The following DNAI3 variants were observed in gnomAD, a reference collection of about 807,000 sequenced individuals.
DNAI3 encodes dynein axonemal intermediate chain 3.
A neutral mutation model predicts 115.5 loss-of-function variants in DNAI3; 83 were observed. The ratio of observed to expected loss-of-function variants is 0.72; its 90% CI spans 0.60 to 0.86. The LOEUF (loss-of-function observed/expected upper bound fraction) is 0.86, where lower values mean the gene tolerates loss of function less well. Ranked by LOEUF, DNAI3 falls within the 40% of genes least tolerant of loss-of-function variation. The pLI is 0.00. For missense variants in DNAI3, 1,004 were observed against 1,075.8 expected, an observed-to-expected ratio of 0.93 and a Z score of 0.93; for synonymous variants, 320 against 347.0, an observed-to-expected ratio of 0.92 and a Z score of 0.86.
At chr1:85,083,518 A>C (rs936798284) in intron 5 of DNAI3, among the ~76,000 whole-genome samples, 3 of 151,942 alleles carry the variant, frequency 2.0e-5, no homozygotes, top group African/African-American at 7.3e-5. Context: ...AAAAGCTAAC[A>C]GTTTATAATT....
chr1:85,097,439 G>A, intron 11 of DNAI3, 130 bp from the exon 12 acceptor site: 1 of 622,492 alleles, frequency 1.6e-6, no homozygotes, highest in Non-Finnish European at 2.4e-6. Flanking sequence ...ACTTACTTAA[G>A]ATATAAGCTA....
chr1:85,120,609 A>T (rs709777), intron 17 of DNAI3, among the ~76,000 whole-genome samples: 30,487 of 152,058 alleles, frequency 0.2, 3,366 homozygotes, highest in African/African-American at 0.3. Context: ...CTCTTACAGG[A>T]CTTTGGTGAG....
chr1:85,122,365 C>A (rs1226264334), intron 18 of DNAI3, among the ~76,000 whole-genome samples: 1 of 152,136 alleles, frequency 6.6e-6, no homozygotes, highest in African/African-American at 2.4e-5. Flanking sequence ...GAAAGCTGAG[C>A]AGAAGCATGT....
chr1:85,107,231 G>A (rs1438886237), intron 14 of DNAI3, among the ~76,000 whole-genome samples: 1 of 152,092 alleles, frequency 6.6e-6, no homozygotes, highest in East Asian at 1.9e-4. Flanking sequence ...AGCAATTCCA[G>A]TCCTAGATAC....
At position 85,107,663 on chromosome 1, in the gene DNAI3, T is replaced by C. The variant is rs186753381; in HGVS notation, c.1554-370T>C. 1.4e-3 allele frequency among the ~76,000 whole-genome samples: 210 copies of C among 152,316 alleles called. 5 individuals carry two copies. The highest frequency in any genetic ancestry group is 0.014 in the Admixed American group (208 of 15,300). The stretch of plus-strand genomic sequence containing the variant: ...GTGGGAGAGTGTGATGAAAATCTTC[T>C]AAAATTGATTGTGGTGATGGCTTCC... On this transcript the variant is annotated intron_variant, in intron 14 of 22. Transcript: ENST00000294664.
chr1:85,089,464 C>T (rs1044591846), intron 7 of DNAI3, among the ~76,000 whole-genome samples: 1 of 144,248 alleles, frequency 6.9e-6, no homozygotes, highest in South Asian at 2.4e-4. Context: ...ACAGAGGCCA[C>T]TAAGAGCATA....
chr1:85,094,443 T>C lies in DNAI3; in HGVS notation c.1061T>C (p.Val354Ala), dbSNP rs767294989. 1 of 1,614,186 alleles carries C rather than the reference T, an allele frequency of 6.2e-7. No homozygotes were observed. Among genetic ancestry groups the C allele is most frequent in the Admixed American group, 1.7e-5 (1 of 60,022 alleles). Residue 354 changes from valine (V) to alanine (A), a missense_variant, in exon 10 of 23, where the codon GTG becomes GCG. Coordinates refer to ENST00000294664, the MANE Select transcript of DNAI3 (RefSeq NM_145172.5). ...WHPTIYGLIA[V>A]SVAVRLSFED... ...GTGTTTCCATCAGGGCTAATAGCTGTGTCGGTAGCCGTGCGACTTTCTTTT... is the reference window on the plus strand; with the variant it reads ...GTGTTTCCATCAGGGCTAATAGCTGCGTCGGTAGCCGTGCGACTTTCTTTT...
intron 22 of DNAI3, among the ~76,000 whole-genome samples, chr1:85,130,809 T>C (rs935056492): frequency 6.6e-6 from 1 of 152,140 alleles, no homozygotes; most frequent in African/African-American, 2.4e-5. Flanking sequence ...GAGAATTTGG[T>C]ACAGGGCACA....
intron 3 of DNAI3, among the ~76,000 whole-genome samples, chr1:85,077,768 G>C (rs932798652): frequency 7.9e-5 from 12 of 151,846 alleles, no homozygotes; most frequent in African/African-American, 2.9e-4. Flanking sequence ...GGCTTCATGG[G>C]GTATGTGCAT....
chr1:85,085,655 G>C (rs539246452), intron 6 of DNAI3, among the ~76,000 whole-genome samples, 176 bp from the exon 7 acceptor site: 1 of 152,194 alleles, frequency 6.6e-6, no homozygotes, highest in Non-Finnish European at 1.5e-5. Context: ...AATAGCCCTA[G>C]AGCAGCCCTC....
intron 15 of DNAI3, 146 bp downstream of exon 15, chr1:85,108,323 T>TC: frequency 3.5e-6 from 3 of 867,568 alleles, no homozygotes; most frequent in Non-Finnish European, 4.9e-6. Context: ...ATTCAACCAA[T>TC]AAATTCCTTG....
chr1:85,084,802 T>C, intron 6 of DNAI3, 107 bp downstream of exon 6: 2 of 1,155,986 alleles, frequency 1.7e-6, no homozygotes, highest in Non-Finnish European at 2.2e-6. Flanking sequence ...AGGCATAGTT[T>C]TTGGTGTGTT....
At chr1:85,078,631 T>G (rs1654535767) in intron 3 of DNAI3, among the ~76,000 whole-genome samples, 1 of 152,214 alleles carries the variant, frequency 6.6e-6, no homozygotes, top group South Asian at 2.1e-4. Context: ...GCCTACCCAA[T>G]AGCAGTTGTT....
chr1:85,090,697 C>A (rs1475593504), intron 8 of DNAI3, among the ~76,000 whole-genome samples: 3 of 152,110 alleles, frequency 2.0e-5, no homozygotes, highest in Non-Finnish European at 4.4e-5. Context: ...TCACCAATTC[C>A]TGTGTTCCTG....
chr1:85,092,794 TACACACACACACACACACACACACACAC>T (rs58308443), intron 8 of DNAI3, among the ~76,000 whole-genome samples: 1 of 145,280 alleles, frequency 6.9e-6, no homozygotes, highest in Non-Finnish European at 1.5e-5. Context: ...CAACTAAAAC[TACACACACACACACACACACACACACAC>T]ACACACACAC....
intron 19 of DNAI3, among the ~76,000 whole-genome samples, chr1:85,125,157 TG>T (rs1298121238): frequency 1.3e-5 from 2 of 152,136 alleles, no homozygotes; most frequent in African/African-American, 4.8e-5. Context: ...TCAGTACTTT[TG>T]GTGGGATTGT....
At chr1:85,066,183 A>G (rs1654089649) in intron 1 of DNAI3, among the ~76,000 whole-genome samples, 1 of 152,196 alleles carries the variant, frequency 6.6e-6, no homozygotes, top group South Asian at 2.1e-4. Context: ...AACATTTCTA[A>G]GTGTTACCTT....
Position 85,094,319 on chromosome 1 carries a change from C to T in DNAI3, c.1049-112C>T, listed in dbSNP as rs183904752. The T allele has an allele frequency of 2.1e-4, 298 of 1,421,454 alleles. No individual in the cohort carries two copies. In the Middle Eastern group the frequency reaches 2.6e-3, roughly 12 times the overall value. 88.1% of individuals were successfully genotyped at this position (1,421,454 alleles called of 1,614,324 possible). ...GCAGAGCTCTAAGAAAACTCTTGCTCTCCTGTGGACAAAGTGTAAATGAAG... is the reference window on the plus strand; with the variant it reads ...GCAGAGCTCTAAGAAAACTCTTGCTTTCCTGTGGACAAAGTGTAAATGAAG... On this transcript the variant is annotated intron_variant, in intron 9 of 22. Transcript: ENST00000294664.
chr1:85,108,007 A>G (rs2100597044), intron 14 of DNAI3, 26 bp from the exon 15 acceptor site: 1 of 1,431,872 alleles, frequency 7.0e-7, no homozygotes, highest in Admixed American at 3.0e-5. Flanking sequence ...TGTACTTAAT[A>G]AAAAATATAT....
Sources: gnomAD v4.1 joint callset for allele counts (sites outside exome capture counted in the v4.1 genomes callset) on GRCh38, gnomAD v4.1.1 for gene constraint, MANE v1.5 for transcripts, NCBI Gene and HGNC (gene_info 2026-07-23, HGNC 2026-07-21) for gene names.